The following SGCD variants were observed in gnomAD, a reference collection of about 807,000 sequenced individuals.
SGCD encodes the protein delta-sarcoglycan.
SGCD carries 18 observed loss-of-function variants against 36.6 expected under a neutral mutation model. The observed-to-expected ratio is 0.49, with a 90% CI of 0.34 to 0.73. The LOEUF (loss-of-function observed/expected upper bound fraction) is 0.73, where lower values mean the gene tolerates loss of function less well. Ranked by LOEUF, SGCD falls within the 30% of genes least tolerant of loss-of-function variation. The pLI is 0.01. For synonymous variants in SGCD, 133 were observed against 130.6 expected (o/e 1.02, Z -0.12); for missense variants, 387 against 346.7 (o/e 1.12, Z -0.92).
At chr5:156,275,269 C>T (rs940910343) in intron 3 of SGCD, among the ~76,000 whole-genome samples, 25 of 152,080 alleles carry the variant, frequency 1.6e-4, no homozygotes, top group African/African-American at 6.0e-4. Flanking sequence ...TGTTCAAGTC[C>T]AGGATAGAAA....
rs1199764097 is a variant in SGCD at position 156,344,502 on chromosome 5, A to G, written c.17A>G (p.Gln6Arg). The G allele has an allele frequency of 6.3e-7, 1 of 1,597,634 alleles. No homozygotes were observed. The highest frequency in any genetic ancestry group is 2.3e-5 in the East Asian group (1 of 43,634). The change falls in exon 3 of 9, where the codon CAG (glutamine) becomes CGG (arginine). Residue 6 changes from glutamine (Q) to arginine (R), a missense_variant. Gln to Arg is a conservative substitution (Grantham distance 43). Transcript: ENST00000337851. MMPQE[Q>R]YTHHRSTMPG... is the part of the protein sequence containing the mutation. ...CGTTTATTTCAGATGCCTCAGGAGC[A>G]GTACACTCACCACCGGAGCACCATG...
At chr5:156,692,652 G>C (rs1220788725) in intron 7 of SGCD, among the ~76,000 whole-genome samples, 3 of 152,050 alleles carry the variant, frequency 2.0e-5, no homozygotes, top group African/African-American at 7.2e-5. Flanking sequence ...TTCACAAACT[G>C]TTTTTCTGAC....
At chr5:156,024,715 A>T (rs922961880) in intron 1 of SGCD, among the ~76,000 whole-genome samples, 45 of 152,054 alleles carry the variant, frequency 3.0e-4, no homozygotes, top group African/African-American at 1.1e-3. Context: ...CATGCCTGTA[A>T]TCCCAGCTGA....
chr5:156,119,111 G>A (rs564269688), intron 2 of SGCD, among the ~76,000 whole-genome samples: 1 of 152,274 alleles, frequency 6.6e-6, no homozygotes, highest in East Asian at 1.9e-4. Flanking sequence ...TAGGCCTTCT[G>A]AGGAAATGTA....
At chr5:156,044,991 C>T (rs73812922) in intron 1 of SGCD, among the ~76,000 whole-genome samples, 1 of 151,996 alleles carries the variant, frequency 6.6e-6, no homozygotes, top group Non-Finnish European at 1.5e-5. Context: ...CTGAGAAGTC[C>T]AAGGGCATGG....
chr5:156,246,619 A>G (rs2127658714), intron 3 of SGCD, among the ~76,000 whole-genome samples: 1 of 152,322 alleles, frequency 6.6e-6, no homozygotes, highest in South Asian at 2.1e-4. Flanking sequence ...GAATATGCTA[A>G]AGCCGGAGAA....
intron 1 of SGCD, among the ~76,000 whole-genome samples, chr5:155,986,619 A>G (rs947691294): frequency 2.6e-5 from 4 of 152,170 alleles, no homozygotes; most frequent in African/African-American, 9.7e-5. Flanking sequence ...TCAGAGGCTG[A>G]GGATTGATCA....
chr5:156,405,012 G>A (rs915017999), intron 3 of SGCD, among the ~76,000 whole-genome samples: 3 of 152,218 alleles, frequency 2.0e-5, no homozygotes, highest in African/African-American at 7.2e-5. Flanking sequence ...AATCAAAAGG[G>A]AGATTTTTCT....
the SGCD span, among the ~76,000 whole-genome samples, chr5:155,757,838 G>A: frequency 2.0e-5 from 3 of 152,162 alleles, no homozygotes; most frequent in Non-Finnish European, 4.4e-5. Context: ...CCCATGGAAG[G>A]TAATTGAATC....
At chr5:156,113,929 G>A (rs992673477) in intron 1 of SGCD, among the ~76,000 whole-genome samples, 10 of 152,048 alleles carry the variant, frequency 6.6e-5, no homozygotes, top group Admixed American at 2.6e-4. Flanking sequence ...TATGCTATGC[G>A]ATTCCAACAA....
At chr5:155,947,932 T>TG (rs1331149637) in intron 1 of SGCD, among the ~76,000 whole-genome samples, 2 of 141,934 alleles carry the variant, frequency 1.4e-5, no homozygotes, top group Admixed American at 8.1e-5. Context: ...TCTATAAAAG[T>TG]GAAAAAAAAA....
chr5:156,021,386 G>T (rs1201752858), intron 1 of SGCD, among the ~76,000 whole-genome samples: 4 of 152,170 alleles, frequency 2.6e-5, no homozygotes, highest in Admixed American at 2.6e-4. Flanking sequence ...CAAGCATGGT[G>T]GTGTGAACCT....
At chr5:156,610,990 C>A (rs1357052070) in intron 6 of SGCD, among the ~76,000 whole-genome samples, 1 of 152,238 alleles carries the variant, frequency 6.6e-6, no homozygotes, top group Admixed American at 6.5e-5. Flanking sequence ...TTGCGCTTCC[C>A]AGGTGAGGCG....
intron 2 of SGCD, among the ~76,000 whole-genome samples, chr5:156,330,112 G>C (rs991391287): frequency 4.0e-5 from 6 of 151,252 alleles, no homozygotes; most frequent in African/African-American, 7.3e-5. Flanking sequence ...TCTGAACTCT[G>C]AAATGTTTCA....
At chr5:156,553,038 C>G (rs1561773954) in intron 4 of SGCD, among the ~76,000 whole-genome samples, 1 of 152,202 alleles carries the variant, frequency 6.6e-6, no homozygotes, top group East Asian at 1.9e-4. Context: ...GAGCCTCAGG[C>G]TGCTTCCAAA....
At chr5:155,904,887 G>A (rs1190567445) in intron 1 of SGCD, among the ~76,000 whole-genome samples, 2 of 152,132 alleles carry the variant, frequency 1.3e-5, no homozygotes, top group Non-Finnish European at 2.9e-5. Context: ...TCACAAGTTA[G>A]GAAACTGCCA....
chr5:156,059,213 C>A (rs80281125), intron 1 of SGCD, among the ~76,000 whole-genome samples: 10,442 of 145,336 alleles, frequency 0.072, 1,663 homozygotes, highest in African/African-American at 0.24. Flanking sequence ...AAGCAAAACC[C>A]AAGCCCTGTC....
intron 3 of SGCD, among the ~76,000 whole-genome samples, chr5:156,432,553 C>T (rs1290193198): frequency 6.6e-6 from 1 of 152,118 alleles, no homozygotes; most frequent in Non-Finnish European, 1.5e-5. Flanking sequence ...TGTTAAGCTA[C>T]CAGGGCAGGT....
intron 6 of SGCD, among the ~76,000 whole-genome samples, chr5:156,610,563 C>T (rs967322158): frequency 6.6e-6 from 1 of 152,252 alleles, no homozygotes; most frequent in East Asian, 1.9e-4. Context: ...CTACTCTCTT[C>T]AAAGCTGTCT....
Sources: allele counts gnomAD v4.1 joint callset (sites outside exome capture counted in the v4.1 genomes callset), GRCh38; gene constraint gnomAD v4.1.1; transcripts MANE v1.5; gene names NCBI Gene and HGNC (gene_info 2026-07-23, HGNC 2026-07-21).